Variants in SERAC1 observed in about 807,000 individuals in gnomAD.
The protein encoded by SERAC1 is serine active site containing 1, also known as protein SERAC1.
Under a neutral mutation model 85.7 loss-of-function variants are expected in SERAC1, and 36 were observed. The ratio of observed to expected loss-of-function variants is 0.42; its 90% CI spans 0.32 to 0.55. The LOEUF (loss-of-function observed/expected upper bound fraction) is 0.55, where lower values mean the gene tolerates loss of function less well. Among genes scored for constraint, SERAC1 ranks in the 20% least tolerant of loss-of-function variants. The pLI is 0.11. For synonymous variants in SERAC1, 242 were observed against 265.3 expected (o/e 0.91, Z 0.85); for missense variants, 629 against 796.2 (o/e 0.79, Z 2.53).
Position 158,143,106 on chromosome 6 carries a change from A to G in SERAC1, c.688T>C (p.Phe230Leu), listed in dbSNP as rs772904813. The G allele has an allele frequency of 5.0e-6, 8 of 1,613,476 alleles. No homozygotes were observed. Among genetic ancestry groups the G allele is most frequent in the South Asian group, 2.2e-5 (2 of 90,956 alleles). ...CTTTCACTAAGAGCCAAAGATGTAAAATACTGGATACACTCATCTAGCTCT... is the reference window on the plus strand; with the variant it reads ...CTTTCACTAAGAGCCAAAGATGTAAGATACTGGATACACTCATCTAGCTCT... ...QTELDECIQY[F>L]TSLALSESSQ... The change falls in exon 8 of 17, where the codon TTT becomes CTT. Residue 230 changes from phenylalanine (F) to leucine (L), a missense_variant. Phe to Leu is a conservative substitution (Grantham distance 22). Transcript: ENST00000647468.
At chr6:158,150,426 C>A in intron 4 of SERAC1, 27 bp downstream of exon 4, 1 of 1,517,602 alleles carries the variant, frequency 6.6e-7, no homozygotes, top group South Asian at 1.2e-5. Context: ...CCATTTTTCA[C>A]AGAGGATTAC....
At chr6:158,156,855 A>ATTTAT (rs1785352717) in intron 2 of SERAC1, among the ~76,000 whole-genome samples, 1 of 84,236 alleles carries the variant, frequency 1.2e-5, no homozygotes, top group Non-Finnish European at 2.5e-5. Flanking sequence ...TTTTATATAT[A>ATTTAT]ATAAATATTA....
chr6:158,136,923 GC>G (rs1784807441), intron 8 of SERAC1, among the ~76,000 whole-genome samples: 1 of 152,182 alleles, frequency 6.6e-6, no homozygotes, highest in Non-Finnish European at 1.5e-5. Context: ...ACTTTGGGAG[GC>G]CAAGGCAGGC....
intron 7 of SERAC1, 72 bp downstream of exon 7, chr6:158,144,227 G>A (rs1236949575): frequency 2.2e-5 from 27 of 1,218,396 alleles, no homozygotes; most frequent in Non-Finnish European, 3.0e-5. Flanking sequence ...AAAGTGTTTT[G>A]TACCCCAAGT....
rs1424779487 is a variant in SERAC1, at chr6:158,117,505, G to A, written c.1403+222C>T. ...ATTAGAACAGTTGTAAATAAACCAT[G>A]TTAGGAGCCCACCATTGGTGATATA... On this transcript the variant is annotated intron_variant, in intron 13 of 16. Transcript: ENST00000647468. The surrounding 1 kb of genome is among the most constrained non-coding windows in gnomAD (Gnocchi z 4.3). The A allele has an allele frequency of 3.9e-6, 6 of 1,549,736 alleles. No homozygotes were observed. In the Admixed American group the frequency reaches 7.9e-5, roughly 20 times the overall value.
intron 2 of SERAC1, 58 bp downstream of exon 2, chr6:158,158,215 G>A: frequency 7.7e-7 from 1 of 1,304,972 alleles, no homozygotes; most frequent in Non-Finnish European, 1.1e-6. Flanking sequence ...TCTTAGAAAT[G>A]GCCACAATTC....
chr6:158,126,753 T>C (rs1288054168), intron 10 of SERAC1, among the ~76,000 whole-genome samples: 1 of 152,122 alleles, frequency 6.6e-6, no homozygotes, highest in Admixed American at 6.5e-5. Flanking sequence ...CTATGCCTCT[T>C]GGTTAACCAA....
chr6:158,114,710 C>CAAGGAATATAAAATGAGATAATACATTT, intron 15 of SERAC1, 79 bp downstream of exon 15: 1 of 1,592,892 alleles, frequency 6.3e-7, no homozygotes, highest in Non-Finnish European at 8.6e-7. Context: ...ATAATACATT[C>CAAGGAATATAAAATGAGATAATACATTT]AAGGAAGAAA....
rs114749229 is a variant in SERAC1, at chr6:158,157,991, C to T, written c.91+282G>A. ...TAATATGGGTGTTGTTTTGCAAGAG[C>T]TTAATAAATATCTGCTGAATGAAAA... is the stretch of plus-strand genomic sequence containing the variant. On this transcript the variant is annotated intron_variant, in intron 2 of 16. Transcript: ENST00000647468. 9.6e-3 allele frequency among the ~76,000 whole-genome samples: 1,465 copies of T among 152,194 alleles called. 25 individuals carry two copies. Among genetic ancestry groups the T allele is most frequent in the African/African-American group, 0.033 (1,365 of 41,520 alleles).
rs1156963790 is a variant in SERAC1 at position 158,117,527 on chromosome 6, T to C, written c.1403+200A>G. 1 of 1,550,482 alleles carries C rather than the reference T, an allele frequency of 6.4e-7. No homozygotes were observed. Among genetic ancestry groups the C allele is most frequent in the Non-Finnish European group, 8.7e-7 (1 of 1,146,954 alleles). On this transcript the variant is annotated intron_variant, in intron 13 of 16. Transcript: ENST00000647468. The surrounding 1 kb of genome is among the most constrained non-coding windows in gnomAD (Gnocchi z 4.3). ...CATGTTAGGAGCCCACCATTGGTGATATACCTAAGCCTTCTACTATTCCAC... is the reference window on the plus strand; with the variant it reads ...CATGTTAGGAGCCCACCATTGGTGACATACCTAAGCCTTCTACTATTCCAC...
Position 158,116,297 on chromosome 6 carries a change from A to C in SERAC1, c.1404-15T>G. ...CAATGGACTTTCTGAACAAAACAAA[A>C]ACAGCAGGCATGACACAAGGCTATC... On this transcript the variant is annotated splice_polypyrimidine_tract_variant and intron_variant, in intron 13 of 16. Transcript: ENST00000647468. The C allele has an allele frequency of 1.2e-6, 2 of 1,603,824 alleles. No individual in the cohort carries two copies. The highest frequency in any genetic ancestry group is 1.7e-6 in the Non-Finnish European group (2 of 1,170,804).
chr6:158,143,546 T>G (rs1343176318), intron 7 of SERAC1, among the ~76,000 whole-genome samples: 4 of 152,102 alleles, frequency 2.6e-5, no homozygotes, highest in Non-Finnish European at 5.9e-5. Flanking sequence ...ATTGTAAACT[T>G]TAACTCTCAA....
intron 3 of SERAC1, among the ~76,000 whole-genome samples, chr6:158,154,064 G>A (rs1255835966): frequency 6.6e-6 from 1 of 150,516 alleles, no homozygotes; most frequent in African/African-American, 2.5e-5. Context: ...GGAGGCTGAG[G>A]TGGGAGGATC....
intron 1 of SERAC1, among the ~76,000 whole-genome samples, chr6:158,165,106 C>T (rs1036080452): frequency 1.3e-5 from 2 of 152,062 alleles, no homozygotes; most frequent in Non-Finnish European, 2.9e-5. Context: ...CCAGTATTAT[C>T]TTGTTTTCTG....
intron 8 of SERAC1, among the ~76,000 whole-genome samples, chr6:158,142,277 C>T (rs1784935621): frequency 6.6e-6 from 1 of 151,786 alleles, no homozygotes; most frequent in African/African-American, 2.4e-5. Flanking sequence ...CCTCCCAGCT[C>T]AGCCTCTCAA....
At chr6:158,167,668 G>T (rs1364841977) in intron 1 of SERAC1, among the ~76,000 whole-genome samples, 1 of 152,040 alleles carries the variant, frequency 6.6e-6, no homozygotes, top group Non-Finnish European at 1.5e-5. Context: ...TTACAGAACA[G>T]ACTTGGGGAA....
At chr6:158,153,659 T>C (rs1785257967) in intron 3 of SERAC1, among the ~76,000 whole-genome samples, 1 of 152,194 alleles carries the variant, frequency 6.6e-6, no homozygotes, top group South Asian at 2.1e-4. Flanking sequence ...AAATGAAGAT[T>C]TCTTTTTTCC....
In SERAC1 at chr6:158,117,320, A is replaced by T; in HGVS notation, c.1403+407T>A. The T allele has an allele frequency of 1.7e-6, 1 of 601,892 alleles. No individual in the cohort carries two copies. The highest frequency in any genetic ancestry group is 2.9e-6 in the Non-Finnish European group (1 of 345,442). 37.3% of individuals were successfully genotyped at this position (601,892 alleles called of 1,614,324 possible). A position where few individuals can be genotyped will look rare whatever the true frequency, so the allele number is the denominator to read the frequency against. ...TCCAGCACTCCTTCCCATGTATACAACTGGCACAGATGACATACAAGGGAA... is the reference window on the plus strand; with the variant it reads ...TCCAGCACTCCTTCCCATGTATACATCTGGCACAGATGACATACAAGGGAA... On this transcript the variant is annotated intron_variant, in intron 13 of 16. Coordinates refer to ENST00000647468, the MANE Select transcript of SERAC1 (RefSeq NM_032861.4). This position sits in a 1 kb window ranked among gnomAD's most constrained non-coding sequence, Gnocchi z 4.3.
rs1443098937 is a variant in SERAC1, at chr6:158,128,114, G to A, written c.1009C>T (p.Arg337Cys). The A allele has an allele frequency of 9.9e-6, 16 of 1,613,166 alleles. No individual in the cohort carries two copies. The highest frequency in any genetic ancestry group is 1.7e-5 in the Admixed American group (1 of 59,938). ...CAGTATATAAAGCTGTTACCTGAGCGAACTATAGAAGAATGAAGATGTTCA... is the reference window on the plus strand; with the variant it reads ...CAGTATATAAAGCTGTTACCTGAGCAAACTATAGAAGAATGAAGATGTTCA... The part of the protein sequence containing the change: ...LNEHLHSSIV[R>C]SGWVSIMAEA... Residue 337 changes from arginine (R) to cysteine (C), a missense_variant, in exon 10 of 17, where the codon CGC becomes TGC. Coordinates refer to ENST00000647468, the MANE Select transcript of SERAC1 (RefSeq NM_032861.4).
Sources: gnomAD v4.1 joint callset for allele counts (sites outside exome capture counted in the v4.1 genomes callset) on GRCh38, gnomAD v4.1.1 for gene constraint, Gnocchi (gnomAD v3.1) non-coding constraint, MANE v1.5 for transcripts, NCBI Gene and HGNC (gene_info 2026-07-23, HGNC 2026-07-21) for gene names.